CSMD1: variants seen among roughly 807,000 people sequenced by gnomAD.
CSMD1 encodes CUB and Sushi multiple domains 1.
CSMD1 carries 213 observed loss-of-function variants against 417.5 expected under a neutral mutation model. The observed-to-expected ratio is 0.51, with a 90% CI of 0.46 to 0.57. The LOEUF is 0.57. Among genes scored for constraint, CSMD1 ranks in the 20% least tolerant of loss-of-function variants. The pLI, the probability that CSMD1 is intolerant of heterozygous loss-of-function variation, is 0.00. For synonymous variants in CSMD1, 2,862 were observed against 1,736.8 expected (o/e 1.65, Z -16.11); for missense variants, 6,923 against 4,529.7 (o/e 1.53, Z -15.17).
intron 1 of CSMD1, among the ~76,000 whole-genome samples, chr8:4,805,764 G>A (rs1798552348): frequency 6.6e-6 from 1 of 152,114 alleles, no homozygotes; most frequent in South Asian, 2.1e-4. Flanking sequence ...TTCCATTAAT[G>A]AATACAGGAT....
At chr8:3,491,014 G>A (rs1422995047) in intron 11 of CSMD1, among the ~76,000 whole-genome samples, 1 of 152,166 alleles carries the variant, frequency 6.6e-6, no homozygotes, top group Non-Finnish European at 1.5e-5. Context: ...CAATGTAAAT[G>A]AAGATGCCTC....
At chr8:3,350,215 TATAATA>T in intron 21 of CSMD1, among the ~76,000 whole-genome samples, 1 of 133,298 alleles carries the variant, frequency 7.5e-6, no homozygotes, top group Non-Finnish European at 1.6e-5. Context: ...TTATAATACC[TATAATA>T]ACCTATAATA....
chr8:4,124,437 GA>G (rs532864685), intron 3 of CSMD1, among the ~76,000 whole-genome samples: 2 of 151,844 alleles, frequency 1.3e-5, no homozygotes, highest in South Asian at 4.4e-4. Flanking sequence ...TAGAAGGGAG[GA>G]AACCCACGAA....
intron 3 of CSMD1, among the ~76,000 whole-genome samples, chr8:4,320,823 T>C (rs1000899647): frequency 3.9e-5 from 6 of 152,094 alleles, no homozygotes; most frequent in Non-Finnish European, 5.9e-5. Flanking sequence ...GACCCAACAA[T>C]CCCATTACTA....
chr8:3,801,588 G>C (rs1397485127), intron 5 of CSMD1, among the ~76,000 whole-genome samples: 6 of 151,978 alleles, frequency 3.9e-5, no homozygotes, highest in Admixed American at 2.6e-4. Context: ...TAAAATTACT[G>C]TTACCCTGTG....
At chr8:4,280,318 GGATAT>G in intron 3 of CSMD1, among the ~76,000 whole-genome samples, 1 of 152,088 alleles carries the variant, frequency 6.6e-6, no homozygotes, top group Non-Finnish European at 1.5e-5. Flanking sequence ...GAAAGAGAGT[GGATAT>G]GTTACCACGT....
chr8:4,108,636 T>G (rs1801693724), intron 3 of CSMD1, among the ~76,000 whole-genome samples: 2 of 152,224 alleles, frequency 1.3e-5, no homozygotes, highest in African/African-American at 4.8e-5. Flanking sequence ...CAGAAGAGCC[T>G]TTTGAAATGC....
chr8:3,341,855 CG>C (rs890794813), intron 23 of CSMD1, among the ~76,000 whole-genome samples: 1 of 152,008 alleles, frequency 6.6e-6, no homozygotes, highest in African/African-American at 2.4e-5. Flanking sequence ...GGCAAGGAAG[CG>C]GGGATGAAGA....
intron 1 of CSMD1, among the ~76,000 whole-genome samples, chr8:4,792,008 A>G (rs1051927580): frequency 6.6e-6 from 1 of 152,032 alleles, no homozygotes; most frequent in Non-Finnish European, 1.5e-5. Context: ...TCAAAGGTTA[A>G]TCCTAAATCC....
At chr8:4,922,289 G>A (rs186949662) in intron 1 of CSMD1, among the ~76,000 whole-genome samples, 1 of 152,106 alleles carries the variant, frequency 6.6e-6, no homozygotes, top group African/African-American at 2.4e-5. Context: ...GGTATAAATA[G>A]GCATCATTGA....
intron 5 of CSMD1, among the ~76,000 whole-genome samples, chr8:3,908,382 G>A (rs1004472229): frequency 5.3e-5 from 8 of 152,090 alleles, no homozygotes; most frequent in African/African-American, 1.4e-4. Flanking sequence ...TTTTCCCAAT[G>A]GGAATCTGAT....
chr8:4,442,344 C>G (rs1417894879), intron 2 of CSMD1, among the ~76,000 whole-genome samples: 1 of 152,154 alleles, frequency 6.6e-6, no homozygotes, highest in African/African-American at 2.4e-5. Context: ...TCCTTCCAAA[C>G]TATCCCATTC....
intron 5 of CSMD1, among the ~76,000 whole-genome samples, chr8:3,896,723 G>C (rs1165430043): frequency 6.6e-6 from 1 of 151,904 alleles, no homozygotes; most frequent in East Asian, 1.9e-4. Context: ...CATTAGCCAG[G>C]ATGGTCTCGA....
chr8:4,880,474 G>A (rs1803318289), intron 1 of CSMD1, among the ~76,000 whole-genome samples: 1 of 152,182 alleles, frequency 6.6e-6, no homozygotes. Context: ...AATTTCCTGT[G>A]CTGTTGTGTA....
At chr8:4,594,881 A>C (rs1800173575) in intron 2 of CSMD1, among the ~76,000 whole-genome samples, 1 of 152,102 alleles carries the variant, frequency 6.6e-6, no homozygotes, top group Non-Finnish European at 1.5e-5. Flanking sequence ...AAGAGAAATG[A>C]CTCTGTAAAA....
At chr8:4,102,285 T>C (rs893858625) in intron 3 of CSMD1, among the ~76,000 whole-genome samples, 6 of 152,200 alleles carry the variant, frequency 3.9e-5, no homozygotes, top group African/African-American at 1.4e-4. Context: ...ATAAGGAAGA[T>C]CAGAGAAATC....
intron 3 of CSMD1, among the ~76,000 whole-genome samples, chr8:4,041,007 T>TC (rs201168176): frequency 0.13 from 17,627 of 137,492 alleles, 1,794 homozygotes; most frequent in East Asian, 0.39. Flanking sequence ...TTTCTTTCTT[T>TC]TTTTTTTTCC....
intron 48 of CSMD1, among the ~76,000 whole-genome samples, chr8:3,088,180 A>C (rs1404247119): frequency 6.6e-6 from 1 of 152,232 alleles, no homozygotes; most frequent in Non-Finnish European, 1.5e-5. Flanking sequence ...AATTTTACCC[A>C]CACAGAATGT....
At chr8:4,023,008 A>G (rs748332455) in intron 4 of CSMD1, among the ~76,000 whole-genome samples, 1 of 152,218 alleles carries the variant, frequency 6.6e-6, no homozygotes, top group African/African-American at 2.4e-5. Flanking sequence ...TCTTTTACCA[A>G]ATCCGTGTTT....
Sources: allele counts gnomAD v4.1 joint callset (sites outside exome capture counted in the v4.1 genomes callset), GRCh38; gene constraint gnomAD v4.1.1; transcripts MANE v1.5; gene names NCBI Gene and HGNC (gene_info 2026-07-23, HGNC 2026-07-21).